SPATA13: variants seen among roughly 807,000 people sequenced by gnomAD.
SPATA13 encodes the protein spermatogenesis-associated protein 13.
In SPATA13, 50 loss-of-function variants were observed where a neutral mutation model predicts 104.0. The observed-to-expected ratio is 0.48, with a 90% CI of 0.38 to 0.61. SPATA13 has a LOEUF of 0.61. Among genes scored for constraint, SPATA13 ranks in the 20% least tolerant of loss-of-function variants. SPATA13 has a pLI of 0.00. For synonymous variants in SPATA13, 606 were observed against 667.5 expected, an observed-to-expected ratio of 0.91 and a Z score of 1.42; for missense variants, 1,524 against 1,690.6, an observed-to-expected ratio of 0.90 and a Z score of 1.73.
intron 1 of SPATA13, among the ~76,000 whole-genome samples, chr13:24,170,561 G>A (rs1258037859): frequency 2.0e-5 from 3 of 152,248 alleles, no homozygotes; most frequent in Admixed American, 6.5e-5. Flanking sequence ...CTGTGGAAGC[G>A]CCATCCCCTC....
chr13:24,177,305 G>A (rs1489123130), intron 1 of SPATA13, among the ~76,000 whole-genome samples: 2 of 152,176 alleles, frequency 1.3e-5, no homozygotes, highest in African/African-American at 4.8e-5. Context: ...GTGTCTGGCT[G>A]TGCCTGGCCA....
chr13:24,302,057 G>A (rs1371405231), intron 12 of SPATA13, among the ~76,000 whole-genome samples: 2 of 152,238 alleles, frequency 1.3e-5, no homozygotes, highest in African/African-American at 4.8e-5. Context: ...TCCATTTAGA[G>A]CATTTTATTG....
At chr13:24,186,827 T>C (rs1220736273) in intron 1 of SPATA13, among the ~76,000 whole-genome samples, 1 of 152,170 alleles carries the variant, frequency 6.6e-6, no homozygotes, top group Non-Finnish European at 1.5e-5. Context: ...GGAAATAGGA[T>C]TGGAAATCCT....
chr13:24,246,803 C>T (rs1027503255), intron 2 of SPATA13, among the ~76,000 whole-genome samples: 8 of 151,622 alleles, frequency 5.3e-5, no homozygotes, highest in Non-Finnish European at 1.2e-4. Context: ...GTGGAGGTTG[C>T]GGTGAGCCGA....
chr13:24,239,167 G>T (rs1872712836), intron 2 of SPATA13, among the ~76,000 whole-genome samples: 1 of 152,178 alleles, frequency 6.6e-6, no homozygotes, highest in African/African-American at 2.4e-5. Flanking sequence ...TTCAGAATAG[G>T]ATTGTTGATC....
At chr13:24,021,651 C>T (rs985447802) in intron 3 of SPATA13, among the ~76,000 whole-genome samples, 3 of 152,076 alleles carry the variant, frequency 2.0e-5, no homozygotes, top group African/African-American at 7.2e-5. Flanking sequence ...CTGTATACGC[C>T]GTGCATTGGG....
intron 2 of SPATA13, among the ~76,000 whole-genome samples, chr13:24,248,124 T>G (rs1050140874): frequency 6.6e-6 from 1 of 152,200 alleles, no homozygotes; most frequent in African/African-American, 2.4e-5. Context: ...AGGCCTCCAC[T>G]CCTGCAGGTC....
chr13:24,267,515 C>T (rs989656957), intron 4 of SPATA13, among the ~76,000 whole-genome samples: 9 of 152,066 alleles, frequency 5.9e-5, no homozygotes, highest in African/African-American at 2.2e-4. Flanking sequence ...CCTCTTGTAC[C>T]GGATGCCGAT....
intron 1 of SPATA13, among the ~76,000 whole-genome samples, chr13:24,178,799 C>T (rs560270418): frequency 3.3e-5 from 5 of 152,210 alleles, no homozygotes; most frequent in Admixed American, 1.3e-4. Flanking sequence ...TGATATGTAA[C>T]GCATCCATTT....
intron 2 of SPATA13, among the ~76,000 whole-genome samples, chr13:24,233,886 A>AACACACACACAC (rs10571334): frequency 2.0e-5 from 3 of 147,558 alleles, no homozygotes; most frequent in Non-Finnish European, 3.0e-5. Flanking sequence ...TATACACTTA[A>AACACACACACAC]ACACACACAC....
intron 3 of SPATA13, among the ~76,000 whole-genome samples, chr13:24,072,570 G>C (rs1879201650): frequency 6.6e-6 from 1 of 152,040 alleles, no homozygotes; most frequent in South Asian, 2.1e-4. Flanking sequence ...AGCCCCTCCT[G>C]CTCACACACA....
At chr13:24,269,513 A>T (rs1438111913) in intron 4 of SPATA13, among the ~76,000 whole-genome samples, 1 of 152,114 alleles carries the variant, frequency 6.6e-6, no homozygotes, top group Admixed American at 6.5e-5. Context: ...TGATCCTCCC[A>T]TCTCAGACTC....
intron 3 of SPATA13, chr13:24,123,792 G>A: frequency 9.5e-7 from 1 of 1,058,164 alleles, no homozygotes. Context: ...CCAGGTGAGA[G>A]CATGAGAAAC....
intron 3 of SPATA13, among the ~76,000 whole-genome samples, chr13:24,071,334 C>G (rs1046032145): frequency 6.6e-6 from 1 of 152,200 alleles, no homozygotes; most frequent in East Asian, 1.9e-4. Context: ...GCCTGCTATG[C>G]TGAACTTCAG....
intron 1 of SPATA13, among the ~76,000 whole-genome samples, chr13:24,191,252 A>T (rs1869721549): frequency 6.6e-6 from 1 of 152,152 alleles, no homozygotes; most frequent in Non-Finnish European, 1.5e-5. Context: ...TTGGGATTAT[A>T]GACATGAGCC....
Position 24,051,825 on chromosome 13 carries a change from G to T in SPATA13, c.-112+34124G>T, listed in dbSNP as rs544899915. ...TAAGAGTTATGTTCTCCAGGGCAGGGCAGAGGGAGATGCCCAAGGGACAGA... is the reference window on the plus strand; with the variant it reads ...TAAGAGTTATGTTCTCCAGGGCAGGTCAGAGGGAGATGCCCAAGGGACAGA... On this transcript the variant is annotated intron_variant, in intron 3 of 14. Transcript: ENST00000424834. This position sits in a 1 kb window ranked among gnomAD's most constrained non-coding sequence, Gnocchi z 4.2. Among the ~76,000 whole-genome samples the T allele has an allele frequency of 6.6e-6, 1 of 152,160 alleles. No individual in the cohort carries two copies. Among genetic ancestry groups the T allele is most frequent in the African/African-American group, 2.4e-5 (1 of 41,428 alleles).
chr13:24,198,898 T>C (rs1870241188), intron 1 of SPATA13, among the ~76,000 whole-genome samples: 1 of 152,022 alleles, frequency 6.6e-6, no homozygotes, highest in Non-Finnish European at 1.5e-5. Context: ...CTGCTGTTGA[T>C]TAAAGGATTG....
chr13:24,116,763 C>A (rs1452221478), intron 3 of SPATA13, among the ~76,000 whole-genome samples: 10 of 139,170 alleles, frequency 7.2e-5, no homozygotes, highest in African/African-American at 3.0e-4. Flanking sequence ...TGTTGAAGCC[C>A]TACCAGCCCC....
chr13:24,037,447 GC>G (rs1461148627), intron 3 of SPATA13, among the ~76,000 whole-genome samples: 2 of 151,632 alleles, frequency 1.3e-5, no homozygotes, highest in African/African-American at 4.9e-5. Flanking sequence ...TCGCTCTGTT[GC>G]CCAGGCTGGA....
Sources: gnomAD v4.1 joint callset for allele counts (sites outside exome capture counted in the v4.1 genomes callset) on GRCh38, gnomAD v4.1.1 for gene constraint, Gnocchi (gnomAD v3.1) non-coding constraint, MANE v1.5 for transcripts, NCBI Gene and HGNC (gene_info 2026-07-23, HGNC 2026-07-21) for gene names.